FANCA: variants seen among roughly 807,000 people sequenced by gnomAD.
FANCA encodes FA complementation group A.
A neutral mutation model predicts 194.3 loss-of-function variants in FANCA; 236 were observed. The ratio of observed to expected loss-of-function variants is 1.21; its 90% CI spans 1.09 to 1.35. The LOEUF is 1.35. Ranked by LOEUF, FANCA falls within the 40% of genes most tolerant of loss-of-function variation. The pLI, the probability that FANCA is intolerant of heterozygous loss-of-function variation, is 0.00. For synonymous variants in FANCA, 1,014 were observed against 715.8 expected, an observed-to-expected ratio of 1.42 and a Z score of -6.65; for missense variants, 2,628 against 1,813.9, an observed-to-expected ratio of 1.45 and a Z score of -8.15.
Position 89,739,726 on chromosome 16 carries a change from A to G in FANCA, c.3935-173T>C, listed in dbSNP as rs555400411. 6.6e-5 allele frequency: 99 copies of G among 1,502,088 alleles called. No individual in the cohort carries two copies. In the African/African-American group the frequency reaches 7.7e-4, roughly 12 times the overall value. The allele number at this position is 1,502,088 out of a possible 1,614,324, so 93.0% of individuals were successfully genotyped here. A position where few individuals can be genotyped will look rare whatever the true frequency, so the allele number is the denominator to read the frequency against. ...GGTACCTGTCAGCAGCTGGGAGAGG[A>G]TGGGGGGGTCGACCTCTTGCAGGAG... On this transcript the variant is annotated intron_variant, in intron 39 of 42. Coordinates refer to ENST00000389301, the MANE Select transcript of FANCA (RefSeq NM_000135.4).
At chr16:89,764,776 G>T in intron 28 of FANCA, 114 bp downstream of exon 28, 2 of 1,249,804 alleles carry the variant, frequency 1.6e-6, no homozygotes, top group Non-Finnish European at 2.4e-6. Context: ...TCGGGACGTG[G>T]CATGATGCAG....
chr16:89,747,945 C>G (rs560823619), intron 33 of FANCA, among the ~76,000 whole-genome samples: 4 of 152,144 alleles, frequency 2.6e-5, no homozygotes, highest in Admixed American at 2.0e-4. Flanking sequence ...AAGAGTTTCG[C>G]TCTGTCACCC....
chr16:89,809,631 T>C (rs567998563), intron 5 of FANCA, among the ~76,000 whole-genome samples: 154 of 149,358 alleles, frequency 1.0e-3, no homozygotes, highest in African/African-American at 3.6e-3. Flanking sequence ...GGGCAGATCA[T>C]CTGAGGTCAG....
At chr16:89,792,281 G>C (rs2040102764) in intron 12 of FANCA, among the ~76,000 whole-genome samples, 190 bp downstream of exon 12, 1 of 152,160 alleles carries the variant, frequency 6.6e-6, no homozygotes, top group Non-Finnish European at 1.5e-5. Flanking sequence ...TCAAGGAGGA[G>C]GGGCTCGGCC....
At chr16:89,740,237 T>C (rs895177669) in intron 38 of FANCA, 138 bp from the exon 39 acceptor site, 8 of 780,936 alleles carry the variant, frequency 1.0e-5, no homozygotes, top group African/African-American at 5.1e-5. Flanking sequence ...GTTTTACCTA[T>C]AGAAGGTAAT....
At position 89,738,539 on chromosome 16, in the gene FANCA, A is replaced by C; in HGVS notation, c.*62T>G. ...CACTTTTTAGTGCAACAAGAGCTCC[A>C]TGTTATGCTTGTAATAAATTATTTA... On this transcript the variant is annotated 3_prime_UTR_variant, in exon 43 of 43. Coordinates refer to ENST00000389301, the MANE Select transcript of FANCA (RefSeq NM_000135.4). 6 of 1,608,038 alleles carry C rather than the reference A, an allele frequency of 3.7e-6. No homozygotes were observed. In the Admixed American group the frequency reaches 6.7e-5, roughly 18 times the overall value.
intron 30 of FANCA, among the ~76,000 whole-genome samples, chr16:89,754,773 C>T (rs547404740): frequency 2.0e-5 from 3 of 152,332 alleles, no homozygotes; most frequent in Admixed American, 2.0e-4. Context: ...ACTGGTGTTT[C>T]TATACGTTAG....
rs569590614 is a variant in FANCA, at chr16:89,798,338, G to A, written c.893+828C>T. 29 of 1,029,794 alleles carry A rather than the reference G, an allele frequency of 2.8e-5. No individual in the cohort carries two copies. In the African/African-American group the frequency reaches 3.9e-4, roughly 14 times the overall value. The allele number at this position is 1,029,794 out of a possible 1,614,324, so 63.8% of individuals were successfully genotyped here. The stretch of plus-strand genomic sequence containing the variant: ...TTTGTTACAGCAGCCCAAGCTAACT[G>A]ATGCACATGTAAACATTCAGGAAAT... On this transcript the variant is annotated intron_variant, in intron 10 of 42. Coordinates refer to ENST00000389301, the MANE Select transcript of FANCA (RefSeq NM_000135.4).
chr16:89,779,124 A>C (rs974976631), intron 18 of FANCA, 121 bp from the exon 19 acceptor site: 36 of 898,592 alleles, frequency 4.0e-5, no homozygotes, highest in Non-Finnish European at 5.9e-5. Context: ...ACGATGCATT[A>C]TGAAGTCTTC....
rs749871526 is a variant in FANCA, at chr16:89,805,293, C to T, written c.696G>A (p.Arg232=). 1 of 1,613,634 alleles carries T rather than the reference C, an allele frequency of 6.2e-7. No homozygotes were observed. Among genetic ancestry groups the T allele is most frequent in the Non-Finnish European group, 8.5e-7 (1 of 1,179,704 alleles). The change falls in exon 7 of 43, where the codon AGG becomes AGA. Residue 232 remains arginine, a synonymous_variant. Transcript: ENST00000389301. ...TCATGAACGCACCAGAAAGCATGGCCCTGGCGACGTCAGCATGCTGGCAGG... is the reference window on the plus strand; with the variant it reads ...TCATGAACGCACCAGAAAGCATGGCTCTGGCGACGTCAGCATGCTGGCAGG... ...EASCQHADVA[R]AMLSDFVQMF...
intron 10 of FANCA, chr16:89,798,759 G>A: frequency 2.9e-6 from 4 of 1,380,496 alleles, no homozygotes; most frequent in Non-Finnish European, 1.9e-6. Context: ...GGCAGCGGGA[G>A]TCTGTAGAGG....
In FANCA at chr16:89,770,583, T is replaced by C. The variant is rs886052485; in HGVS notation, c.2203A>G (p.Ser735Gly). 9 of 1,611,254 alleles carry C rather than the reference T, an allele frequency of 5.6e-6. No homozygotes were observed. Among genetic ancestry groups the C allele is most frequent in the Middle Eastern group, 1.6e-4 (1 of 6,080 alleles). Residue 735 changes from serine (S) to glycine (G), a missense_variant, in exon 24 of 43, where the codon AGT (serine) becomes GGT (glycine). Ser to Gly is a moderately conservative substitution (Grantham distance 56). Coordinates refer to ENST00000389301, the MANE Select transcript of FANCA (RefSeq NM_000135.4). Reference protein sequence around the residue: ...SFCQNLMAASSVAPPERQGPW... With the variant: ...SFCQNLMAASGVAPPERQGPW... ...CTTCACCTCTCCGGGGGAGCGACAC[T>C]GGAGGCAGCCATCAGGTTCTGACAG...
intron 8 of FANCA, among the ~76,000 whole-genome samples, chr16:89,800,305 G>C (rs1452301186): frequency 2.0e-5 from 3 of 152,170 alleles, no homozygotes; most frequent in African/African-American, 4.8e-5. Context: ...AGGTACCATT[G>C]TCCATTTCCC....
intron 37 of FANCA, among the ~76,000 whole-genome samples, chr16:89,742,088 C>G (rs1282846921): frequency 6.6e-6 from 1 of 152,100 alleles, no homozygotes; most frequent in African/African-American, 2.4e-5. Flanking sequence ...GCCTCAGCCT[C>G]CTGAGTAGCT....
chr16:89,764,785 A>C (rs779112077), intron 28 of FANCA, 105 bp downstream of exon 28: 62 of 1,327,820 alleles, frequency 4.7e-5, no homozygotes, highest in Non-Finnish European at 2.2e-6. Context: ...GGCATGATGC[A>C]GGGGAAGGAA....
chr16:89,769,716 TA>T, intron 26 of FANCA, 120 bp downstream of exon 26: 1 of 1,136,658 alleles, frequency 8.8e-7, no homozygotes, highest in Non-Finnish European at 1.3e-6. Flanking sequence ...ACCAAAATGC[TA>T]AAAAGTGGTT....
chr16:89,815,155 G>A (rs1227594741), intron 2 of FANCA, among the ~76,000 whole-genome samples: 1 of 151,760 alleles, frequency 6.6e-6, no homozygotes, highest in Non-Finnish European at 1.5e-5. Flanking sequence ...TCCTGCCTCA[G>A]CCTCCTGAGC....
rs1382888975 is a variant in FANCA, at chr16:89,739,054, G to A, written c.4167+79C>T. The A allele has an allele frequency of 6.2e-6, 10 of 1,613,796 alleles. 1 individual carries two copies. The Middle Eastern group carries it at 4.9e-4, about 80-fold the overall frequency. ...GTGTGTCCCCCATAGTCTGCATGCT[G>A]TGCCGGAACATTCTTTGGCAGAAGG... On this transcript the variant is annotated intron_variant, in intron 41 of 42. Coordinates refer to ENST00000389301, the MANE Select transcript of FANCA (RefSeq NM_000135.4).
At position 89,739,087 on chromosome 16, in the gene FANCA, G is replaced by C. The variant is rs191404781; in HGVS notation, c.4167+46C>G. Reference sequence around the variant, plus strand: ...ACATTCTTTGGCAGAAGGAGCCTCCGGCTGGGGGGAGCTCCCCTGGAGGTG... The same window carrying C: ...ACATTCTTTGGCAGAAGGAGCCTCCCGCTGGGGGGAGCTCCCCTGGAGGTG... On this transcript the variant is annotated intron_variant, in intron 41 of 42. Transcript: ENST00000389301. The C allele has an allele frequency of 2.5e-6, 4 of 1,613,718 alleles. No homozygotes were observed. In the African/African-American group the frequency reaches 5.3e-5, roughly 22 times the overall value.
Sources: allele counts gnomAD v4.1 joint callset (sites outside exome capture counted in the v4.1 genomes callset), GRCh38; gene constraint gnomAD v4.1.1; transcripts MANE v1.5; gene names NCBI Gene and HGNC (gene_info 2026-07-23, HGNC 2026-07-21).